Variants in PARN observed in about 807,000 individuals in gnomAD.
PARN encodes the protein poly(A)-specific ribonuclease.
A neutral mutation model predicts 102.8 loss-of-function variants in PARN; 71 were observed. The ratio of observed to expected loss-of-function variants is 0.69; its 90% confidence interval spans 0.57 to 0.84. The LOEUF is 0.84. Ranked by LOEUF, PARN falls within the 40% of genes least tolerant of loss-of-function variation. The pLI is 0.00. For synonymous variants in PARN, 261 were observed against 252.9 expected (o/e 1.03, Z -0.30); for missense variants, 782 against 760.9 (o/e 1.03, Z -0.33).
At chr16:14,532,536 A>T (rs1438997556) in intron 21 of PARN, among the ~76,000 whole-genome samples, 4 of 152,136 alleles carry the variant, frequency 2.6e-5, no homozygotes, top group Non-Finnish European at 5.9e-5. Flanking sequence ...CTTAGTACAG[A>T]GCAAAACGAA....
chr16:14,592,234 G>C (rs951033549), intron 13 of PARN, among the ~76,000 whole-genome samples: 1 of 152,172 alleles, frequency 6.6e-6, no homozygotes, highest in African/African-American at 2.4e-5. Flanking sequence ...AGAAGTACAA[G>C]TTAAATATCT....
intron 21 of PARN, among the ~76,000 whole-genome samples, chr16:14,506,065 C>A (rs1159195296): frequency 6.6e-6 from 1 of 152,204 alleles, no homozygotes; most frequent in Admixed American, 6.5e-5. Context: ...CAAACTGATA[C>A]CATGTGCCTC....
chr16:14,538,566 AG>A (rs1461960901), intron 21 of PARN, among the ~76,000 whole-genome samples: 1 of 152,146 alleles, frequency 6.6e-6, no homozygotes, highest in African/African-American at 2.4e-5. Context: ...AAATTTTTGA[AG>A]GGGGTGAGAG....
intron 21 of PARN, among the ~76,000 whole-genome samples, chr16:14,484,721 C>T (rs1796689297): frequency 6.6e-6 from 1 of 152,162 alleles, no homozygotes; most frequent in African/African-American, 2.4e-5. Context: ...ACATTTTAAT[C>T]TTCAACTAGG....
intron 12 of PARN, among the ~76,000 whole-genome samples, chr16:14,593,891 G>A (rs1970350336): frequency 6.6e-6 from 1 of 151,956 alleles, no homozygotes; most frequent in Non-Finnish European, 1.5e-5. Flanking sequence ...CAGCTACCCA[G>A]CAGGCTGAGG....
intron 10 of PARN, among the ~76,000 whole-genome samples, chr16:14,606,210 G>C (rs1053332838): frequency 7.2e-5 from 11 of 151,988 alleles, no homozygotes; most frequent in African/African-American, 2.4e-4. Flanking sequence ...GACTAGCCTG[G>C]GCAACAGGGC....
intron 5 of PARN, among the ~76,000 whole-genome samples, chr16:14,620,069 CAAAAAAA>C (rs1167781322): frequency 6.3e-5 from 3 of 47,558 alleles, no homozygotes; most frequent in African/African-American, 8.7e-5. Context: ...GACTCTGTCT[CAAAAAAA>C]AAAAAAAAAA....
chr16:14,619,528 ATGG>A (rs1972154830), intron 5 of PARN, among the ~76,000 whole-genome samples: 1 of 150,560 alleles, frequency 6.6e-6, no homozygotes, highest in South Asian at 2.1e-4. Context: ...ACTTTAGGAG[ATGG>A]TGGGAGGATC....
chr16:14,595,773 T>G (rs1970469641), intron 12 of PARN, among the ~76,000 whole-genome samples: 1 of 152,070 alleles, frequency 6.6e-6, no homozygotes. Flanking sequence ...TCACGTGATC[T>G]GCCCGCCTTG....
At chr16:14,551,772 A>C (rs995274789) in intron 21 of PARN, among the ~76,000 whole-genome samples, 1 of 152,236 alleles carries the variant, frequency 6.6e-6, no homozygotes, top group Non-Finnish European at 1.5e-5. Flanking sequence ...ATGAGAAAGG[A>C]ACAGAATGGA....
At chr16:14,481,128 A>C (rs1212134661) in intron 22 of PARN, among the ~76,000 whole-genome samples, 1 of 152,174 alleles carries the variant, frequency 6.6e-6, no homozygotes, top group Non-Finnish European at 1.5e-5. Context: ...AACTTATCCT[A>C]AAAATCAATA....
intron 5 of PARN, among the ~76,000 whole-genome samples, chr16:14,621,121 C>G (rs1972269214): frequency 1.3e-5 from 2 of 152,176 alleles, no homozygotes; most frequent in Admixed American, 6.5e-5. Context: ...CAATCTTTCC[C>G]TACCCCCACT....
chr16:14,522,605 G>T (rs1477677548), intron 21 of PARN, among the ~76,000 whole-genome samples: 1 of 152,146 alleles, frequency 6.6e-6, no homozygotes, highest in East Asian at 1.9e-4. Flanking sequence ...TGGAAAAAAG[G>T]GGAAAACAAG....
intron 13 of PARN, among the ~76,000 whole-genome samples, chr16:14,587,371 T>C (rs1292363318): frequency 1.3e-5 from 2 of 152,218 alleles, no homozygotes; most frequent in African/African-American, 2.4e-5. Context: ...TCTAGACCAA[T>C]GTCTTCTAAA....
chr16:14,551,195 G>C (rs1466827341), intron 21 of PARN, among the ~76,000 whole-genome samples: 1 of 151,664 alleles, frequency 6.6e-6, no homozygotes, highest in African/African-American at 2.4e-5. Flanking sequence ...GCCTCCCTAA[G>C]TGCTGGGATT....
intron 21 of PARN, among the ~76,000 whole-genome samples, chr16:14,515,964 T>TA (rs971746360): frequency 2.0e-5 from 3 of 151,934 alleles, no homozygotes; most frequent in African/African-American, 7.2e-5. Context: ...AATTGATAGA[T>TA]AGACAGACAA....
At chr16:14,622,450 T>C (rs1972369512) in intron 5 of PARN, among the ~76,000 whole-genome samples, 2 of 152,234 alleles carry the variant, frequency 1.3e-5, no homozygotes, top group African/African-American at 4.8e-5. Flanking sequence ...TACTACGAAA[T>C]AAAAGACATT....
chr16:14,542,124 C>A (rs1359533678), intron 21 of PARN, among the ~76,000 whole-genome samples: 4 of 151,880 alleles, frequency 2.6e-5, no homozygotes, highest in Admixed American at 2.6e-4. Flanking sequence ...CTCACCTCAG[C>A]CTCCTAAGTA....
At chr16:14,443,155 CTCTG>C (rs1399587994) in intron 23 of PARN, among the ~76,000 whole-genome samples, 3 of 152,186 alleles carry the variant, frequency 2.0e-5, no homozygotes, top group South Asian at 2.1e-4. Flanking sequence ...GTTCCTAGCA[CTCTG>C]TCTAATAGTA....
Sources: gnomAD v4.1 joint callset for allele counts (sites outside exome capture counted in the v4.1 genomes callset) on GRCh38, gnomAD v4.1.1 for gene constraint, MANE v1.5 for transcripts, NCBI Gene and HGNC (gene_info 2026-07-23, HGNC 2026-07-21) for gene names.